Variants in VIRMA observed in about 807,000 individuals in gnomAD.
VIRMA encodes the protein vir like m6A methyltransferase associated.
VIRMA carries 65 observed loss-of-function variants against 182.4 expected under a neutral mutation model. The observed-to-expected ratio is 0.36, with a 90% CI of 0.29 to 0.44. The LOEUF (loss-of-function observed/expected upper bound fraction) is 0.44. VIRMA is among the 20% of genes least tolerant of loss of function. The probability of loss-of-function intolerance (pLI) is 1.00; values close to 1 mark genes in which losing one functional copy is unlikely to be tolerated. For synonymous variants in VIRMA, 709 were observed against 743.1 expected (o/e 0.95, Z 0.75); for missense variants, 1,752 against 2,158.1 (o/e 0.81, Z 3.73).
intron 16 of VIRMA, among the ~76,000 whole-genome samples, chr8:94,505,115 G>C (rs1273693444): frequency 6.6e-6 from 1 of 152,158 alleles, no homozygotes; most frequent in Non-Finnish European, 1.5e-5. Flanking sequence ...GCTTTGGTGA[G>C]AGACTGGATG....
chr8:94,551,181 C>T (rs1815974344), intron 1 of VIRMA, among the ~76,000 whole-genome samples: 2 of 152,160 alleles, frequency 1.3e-5, no homozygotes, highest in Admixed American at 6.5e-5. Flanking sequence ...GAAATATTGC[C>T]CCTTTCACCA....
Position 94,492,694 on chromosome 8 carries a change from A to G in VIRMA, c.4766T>C (p.Phe1589Ser). ...SPGRTKTTKG[F>S]KLGKHKHETF... ...CTCATGCTTGTGCTTCCCAAGTTTG[A>G]ATCCTTTAGTAGTCTTGGTTCTTCC... The change falls in exon 21 of 24, where the codon TTC becomes TCC. Residue 1589 changes from phenylalanine (F) to serine (S), a missense_variant. Phe to Ser is a radical substitution (Grantham distance 155). Coordinates refer to ENST00000297591, the MANE Select transcript of VIRMA (RefSeq NM_015496.5). The G allele has an allele frequency of 1.2e-6, 2 of 1,614,008 alleles. No individual in the cohort carries two copies. The highest frequency in any genetic ancestry group is 1.7e-6 in the Non-Finnish European group (2 of 1,179,920).
intron 8 of VIRMA, among the ~76,000 whole-genome samples, chr8:94,521,752 C>A (rs534262211): frequency 6.6e-6 from 1 of 152,284 alleles, no homozygotes; most frequent in Admixed American, 6.5e-5. Context: ...ACTATTTAAA[C>A]CCAGGCTTCT....
At chr8:94,531,864 A>G (rs919407035) in intron 5 of VIRMA, among the ~76,000 whole-genome samples, 1 of 152,244 alleles carries the variant, frequency 6.6e-6, no homozygotes, top group African/African-American at 2.4e-5. Flanking sequence ...ATAAAAAACA[A>G]CAAACTATTT....
In VIRMA at chr8:94,510,486, T is replaced by G. The variant is rs1396210747; in HGVS notation, c.3557A>C (p.Asp1186Ala). The change falls in exon 14 of 24, where the codon GAC (aspartate) becomes GCC (alanine). Residue 1186 changes from aspartate to alanine, a missense_variant. Physicochemically the swap from Asp to Ala is moderately radical, Grantham distance 126. Around this residue, in one of 11 missense-constraint regions of VIRMA, gnomAD observed 777 missense variants for 920.6 expected, o/e 0.84. Transcript: ENST00000297591. Reference protein sequence around the residue: ...MLRRICVQLCDLASPTALLIM... With the variant: ...MLRRICVQLCALASPTALLIM... ...CAGAAGTGCAGTTGGTGAGGCAAGG[T>G]CACACAATTGAACACAAATACGCCG... 2 of 1,614,068 alleles carry G rather than the reference T, an allele frequency of 1.2e-6. No homozygotes were observed. Among genetic ancestry groups the G allele is most frequent in the South Asian group, 2.2e-5 (2 of 91,082 alleles).
intron 11 of VIRMA, among the ~76,000 whole-genome samples, chr8:94,513,043 T>C (rs896860947): frequency 6.6e-6 from 1 of 152,176 alleles, no homozygotes; most frequent in Non-Finnish European, 1.5e-5. Context: ...TTATCAATTG[T>C]TTAAAAACTT....
At chr8:94,528,310 T>A (rs904435931) in intron 7 of VIRMA, among the ~76,000 whole-genome samples, 1 of 149,350 alleles carries the variant, frequency 6.7e-6, no homozygotes, top group Non-Finnish European at 1.5e-5. Context: ...ATACAATAAA[T>A]CTAGAAATAA....
chr8:94,549,686 C>G (rs934210835), intron 1 of VIRMA, among the ~76,000 whole-genome samples: 1 of 152,192 alleles, frequency 6.6e-6, no homozygotes, highest in African/African-American at 2.4e-5. Context: ...ATAGCACTGC[C>G]TTAGAGCCAG....
intron 20 of VIRMA, among the ~76,000 whole-genome samples, chr8:94,494,272 G>A (rs956855511): frequency 3.9e-5 from 6 of 152,058 alleles, no homozygotes; most frequent in African/African-American, 1.4e-4. Context: ...GGGTAACAGA[G>A]TGAGACTTTA....
intron 16 of VIRMA, among the ~76,000 whole-genome samples, chr8:94,503,694 G>A (rs1468356683): frequency 1.3e-5 from 2 of 152,174 alleles, no homozygotes; most frequent in African/African-American, 4.8e-5. Flanking sequence ...ATACAGTTAT[G>A]TAAGAGGATA....
At chr8:94,550,705 T>C (rs1815951333) in intron 1 of VIRMA, among the ~76,000 whole-genome samples, 1 of 150,172 alleles carries the variant, frequency 6.7e-6, no homozygotes, top group African/African-American at 2.5e-5. Flanking sequence ...AAGTCCATAA[T>C]TTTTATTTAT....
intron 8 of VIRMA, among the ~76,000 whole-genome samples, chr8:94,522,281 T>C (rs916143400): frequency 6.6e-6 from 1 of 152,020 alleles, no homozygotes; most frequent in Non-Finnish European, 1.5e-5. Context: ...ACTTCACACA[T>C]GTCACAACCT....
In VIRMA at chr8:94,532,683, G is replaced by A. The variant is rs150823852; in HGVS notation, c.485-1598C>T. 1.3e-3 allele frequency among the ~76,000 whole-genome samples: 191 copies of A among 152,156 alleles called. 2 individuals are homozygous for A. The highest frequency in any genetic ancestry group is 4.4e-3 in the African/African-American group (183 of 41,506). On this transcript the variant is annotated intron_variant, in intron 5 of 23. Transcript: ENST00000297591. ...AATTATCTCAAAGTAAAAAGTTAAG[G>A]GGCCAGGTGTGGTGGCTCACACCTG...
chr8:94,524,801 G>T (rs1814902093), intron 8 of VIRMA, among the ~76,000 whole-genome samples: 1 of 152,154 alleles, frequency 6.6e-6, no homozygotes, highest in African/African-American at 2.4e-5. Context: ...AGCCCCATTT[G>T]CAATCTATGT....
intron 2 of VIRMA, among the ~76,000 whole-genome samples, chr8:94,541,403 ATAAAGGGAT>A (rs927592033): frequency 2.6e-5 from 4 of 152,058 alleles, no homozygotes; most frequent in African/African-American, 9.7e-5. Context: ...CCCTACCAGA[ATAAAGGGAT>A]TAAAGGGATT....
intron 9 of VIRMA, among the ~76,000 whole-genome samples, chr8:94,518,525 A>G (rs56119282): frequency 0.15 from 22,792 of 152,226 alleles, 2,100 homozygotes; most frequent in South Asian, 0.3. Context: ...TTCTCATATA[A>G]TAAAACCCTC....
Position 94,518,977 on chromosome 8 carries a change from G to A in VIRMA, c.2513+8C>T. 3.8e-6 allele frequency: 6 copies of A among 1,581,224 alleles called. No homozygotes were observed. The highest frequency in any genetic ancestry group is 5.1e-6 in the Non-Finnish European group (6 of 1,167,728). ...CATAGAAAATTTAAGGAGTAAGTAG[G>A]AAATTACCCCAAGGCTTCTTTGGAA... On this transcript the variant is annotated splice_region_variant and intron_variant, in intron 9 of 23. Transcript: ENST00000297591.
At chr8:94,539,959 G>C (rs1274082544) in intron 2 of VIRMA, among the ~76,000 whole-genome samples, 2 of 152,150 alleles carry the variant, frequency 1.3e-5, no homozygotes, top group East Asian at 3.8e-4. Flanking sequence ...GTTCTTGCCA[G>C]ATTGCTGTCA....
chr8:94,545,946 A>T (rs1171629837), intron 1 of VIRMA, among the ~76,000 whole-genome samples: 1 of 152,050 alleles, frequency 6.6e-6, no homozygotes, highest in East Asian at 1.9e-4. Flanking sequence ...AGTCCCAGCT[A>T]CTCAGGAGAC....
Sources: gnomAD v4.1 joint callset for allele counts (sites outside exome capture counted in the v4.1 genomes callset) on GRCh38, gnomAD v4.1.1 for gene constraint, gnomAD v4.1.1 regional missense constraint, MANE v1.5 for transcripts, NCBI Gene and HGNC (gene_info 2026-07-23, HGNC 2026-07-21) for gene names.